The following OR2C1 variants were observed in gnomAD, a reference collection of about 807,000 sequenced individuals.
The protein encoded by OR2C1 is olfactory receptor 2C1.
For missense variants in OR2C1, 468 were observed against 388.3 expected, an observed-to-expected ratio of 1.21 and a Z score of -1.73; for synonymous variants, 209 against 167.3, an observed-to-expected ratio of 1.25 and a Z score of -1.92.
chr16:3,331,394 A>C, the OR2C1 span, among the ~76,000 whole-genome samples: 1 of 151,482 alleles, frequency 6.6e-6, no homozygotes, highest in Non-Finnish European at 1.5e-5. Context: ...TAGTTTAATT[A>C]GATCCCATTT....
At chr16:3,333,211 A>ATTTTTTTTTTTTTTTTTTTTTT in the OR2C1 span, among the ~76,000 whole-genome samples, 5 of 65,806 alleles carry the variant, frequency 7.6e-5, no homozygotes, top group Non-Finnish European at 1.1e-4. Context: ...TCTTTTGCCC[A>ATTTTTTTTTTTTTTTTTTTTTT]TTTTTTTTTT....
At chr16:3,340,153 C>A in the OR2C1 span, among the ~76,000 whole-genome samples, 8 of 152,128 alleles carry the variant, frequency 5.3e-5, no homozygotes, top group African/African-American at 1.7e-4. Flanking sequence ...GTGGCAGGCA[C>A]CTGTAATTCC....
the OR2C1 span, among the ~76,000 whole-genome samples, chr16:3,340,055 G>A: frequency 6.6e-6 from 1 of 152,104 alleles, no homozygotes; most frequent in African/African-American, 2.4e-5. Flanking sequence ...AAAGCGGGCA[G>A]ATCACCTGAG....
the OR2C1 span, among the ~76,000 whole-genome samples, chr16:3,343,474 G>A: frequency 3.7e-4 from 57 of 152,302 alleles, no homozygotes; most frequent in Middle Eastern, 3.4e-3. Flanking sequence ...AAAATTGGCC[G>A]GGCGCGGTGG....
the OR2C1 span, among the ~76,000 whole-genome samples, chr16:3,326,188 C>T: frequency 1.3e-5 from 2 of 151,994 alleles, no homozygotes; most frequent in African/African-American, 2.4e-5. Flanking sequence ...CTCGCCCTCC[C>T]AAAGTGCTGG....
the OR2C1 span, among the ~76,000 whole-genome samples, chr16:3,325,619 C>A: frequency 1.3e-5 from 2 of 150,990 alleles, no homozygotes; most frequent in African/African-American, 4.9e-5. Flanking sequence ...ATAAAAAATA[C>A]AATATCTGTG....
chr16:3,327,480 A>C, the OR2C1 span, among the ~76,000 whole-genome samples: 1 of 151,944 alleles, frequency 6.6e-6, no homozygotes, highest in Non-Finnish European at 1.5e-5. Flanking sequence ...GTGACCAAAA[A>C]ACTTTACTGA....
chr16:3,352,738 CT>C (rs56083973), upstream of OR2C1, among the ~76,000 whole-genome samples: 93,184 of 113,094 alleles, frequency 0.82, 37,949 homozygotes, highest in East Asian at 0.89. Flanking sequence ...TTCTTTCTTT[CT>C]TTTTTTTTTT....
the OR2C1 span, among the ~76,000 whole-genome samples, chr16:3,338,913 G>C: frequency 6.6e-6 from 1 of 152,128 alleles, no homozygotes; most frequent in African/African-American, 2.4e-5. Flanking sequence ...ATGACATTTA[G>C]TACATACACA....
chr16:3,346,709 A>G, the OR2C1 span, among the ~76,000 whole-genome samples: 1 of 141,280 alleles, frequency 7.1e-6, no homozygotes, highest in South Asian at 2.3e-4. Flanking sequence ...GGCTCATTGC[A>G]ACCTCTGCCT....
chr16:3,340,932 A>G, the OR2C1 span, among the ~76,000 whole-genome samples: 1 of 151,826 alleles, frequency 6.6e-6, no homozygotes, highest in African/African-American at 2.4e-5. Context: ...TTGGCTAATC[A>G]GGGTCCCTTG....
upstream of OR2C1, among the ~76,000 whole-genome samples, chr16:3,353,002 CAAAG>C (rs2030598423): frequency 6.6e-6 from 1 of 151,644 alleles, no homozygotes; most frequent in Non-Finnish European, 1.5e-5. Context: ...CTCGGCCTCC[CAAAG>C]TGTTGAGATT....
the OR2C1 span, among the ~76,000 whole-genome samples, chr16:3,338,783 G>A: frequency 3.3e-5 from 5 of 152,144 alleles, no homozygotes; most frequent in East Asian, 1.9e-4. Context: ...TGATCCGCCC[G>A]CCTCGGCCTC....
chr16:3,323,604 C>G, the OR2C1 span: 1 of 743,106 alleles, frequency 1.3e-6, no homozygotes, highest in Non-Finnish European at 2.5e-6. Context: ...TGAAGTCTTG[C>G]AATGGCTGTC....
At chr16:3,353,983 CTT>C (rs1001983184), upstream of OR2C1, among the ~76,000 whole-genome samples, 6 of 115,478 alleles carry the variant, frequency 5.2e-5, no homozygotes, top group Admixed American at 8.5e-5. Context: ...CTTTTCTTTT[CTT>C]TTTTTTTTTT....
At chr16:3,324,702 C>G in the OR2C1 span, among the ~76,000 whole-genome samples, 1 of 152,136 alleles carries the variant, frequency 6.6e-6, no homozygotes, top group Non-Finnish European at 1.5e-5. Flanking sequence ...ATCCTCCTGC[C>G]TAAACCTCCC....
chr16:3,355,656 C>T (rs1367484767), upstream of OR2C1, among the ~76,000 whole-genome samples: 2 of 151,866 alleles, frequency 1.3e-5, no homozygotes, highest in East Asian at 1.9e-4. Flanking sequence ...GTGGCACACA[C>T]CTGTGGTCAC....
chr16:3,337,012 C>A, the OR2C1 span, among the ~76,000 whole-genome samples: 13 of 151,342 alleles, frequency 8.6e-5, no homozygotes, highest in Non-Finnish European at 1.8e-4. Flanking sequence ...CTGGCCCATG[C>A]CTGGCTAATT....
chr16:3,350,567 G>C, the OR2C1 span, among the ~76,000 whole-genome samples: 1 of 150,556 alleles, frequency 6.6e-6, no homozygotes, highest in Non-Finnish European at 1.5e-5. Context: ...GCCTGCCTCC[G>C]TGCCCGGCTA....
Sources: gnomAD v4.1 joint callset for allele counts (sites outside exome capture counted in the v4.1 genomes callset) on GRCh38, gnomAD v4.1.1 for gene constraint, MANE v1.5 for transcripts, NCBI Gene and HGNC (gene_info 2026-07-23, HGNC 2026-07-21) for gene names.